The following CAMSAP2 variants were observed in gnomAD, a reference collection of about 807,000 sequenced individuals.
CAMSAP2 encodes the protein calmodulin-regulated spectrin-associated protein 2.
CAMSAP2 carries 26 observed loss-of-function variants against 146.1 expected under a neutral mutation model. That is an observed-to-expected ratio of 0.18 (90% CI 0.13 to 0.25). The LOEUF is 0.25. Ranked by LOEUF, CAMSAP2 falls within the 10% of genes least tolerant of loss-of-function variation. The pLI, the probability that CAMSAP2 is intolerant of heterozygous loss-of-function variation, is 1.00. For missense variants in CAMSAP2, 1,381 were observed against 1,759.3 expected (o/e 0.78, Z 3.85); for synonymous variants, 499 against 596.6 (o/e 0.84, Z 2.38).
intron 2 of CAMSAP2, among the ~76,000 whole-genome samples, chr1:200,783,079 C>G (rs1051055620): frequency 6.6e-6 from 1 of 152,048 alleles, no homozygotes; most frequent in Admixed American, 6.6e-5. Context: ...TTTCATTTCT[C>G]TTGGTGGGCC....
chr1:200,765,227 CTTTA>C (rs971202371), intron 2 of CAMSAP2, among the ~76,000 whole-genome samples: 1 of 152,062 alleles, frequency 6.6e-6, no homozygotes, highest in Non-Finnish European at 1.5e-5. Context: ...AGTCATACTT[CTTTA>C]TTTATTTATT....
intron 2 of CAMSAP2, among the ~76,000 whole-genome samples, chr1:200,768,399 A>G (rs920261210): frequency 2.0e-4 from 31 of 152,158 alleles, no homozygotes; most frequent in African/African-American, 6.8e-4. Context: ...AAGAAACGAG[A>G]TCACAGAGTT....
intron 1 of CAMSAP2, among the ~76,000 whole-genome samples, chr1:200,740,921 C>T (rs1208892145): frequency 6.6e-6 from 1 of 152,142 alleles, no homozygotes; most frequent in Non-Finnish European, 1.5e-5. Flanking sequence ...GATTTCTGTT[C>T]CCTAGTTAAT....
intron 1 of CAMSAP2, among the ~76,000 whole-genome samples, chr1:200,740,297 C>T (rs12133302): frequency 0.025 from 3,711 of 150,588 alleles, 65 homozygotes; most frequent in Non-Finnish European, 0.035. Context: ...GCGTACATTT[C>T]TGCCTCAGTC....
At chr1:200,855,025 GCTGA>G (rs1667713083) in intron 14 of CAMSAP2, 136 bp downstream of exon 14, 3 of 601,940 alleles carry the variant, frequency 5.0e-6, no homozygotes, top group Middle Eastern at 3.0e-4. Context: ...ACTAAGTTTT[GCTGA>G]CTTAGGACTG....
intron 3 of CAMSAP2, among the ~76,000 whole-genome samples, chr1:200,814,474 A>G (rs1666422717): frequency 1.3e-5 from 2 of 151,594 alleles, no homozygotes; most frequent in Non-Finnish European, 2.9e-5. Context: ...GCCGGGCATG[A>G]TGGCGGGCGC....
chr1:200,856,854 C>T lies in CAMSAP2; in HGVS notation c.4013-452C>T, dbSNP rs111303785. Among the ~76,000 whole-genome samples, 407 of 152,308 alleles carry T rather than the reference C, an allele frequency of 2.7e-3. 6 individuals carry two copies. The highest frequency in any genetic ancestry group is 4.6e-3 in the Non-Finnish European group (312 of 68,020). On this transcript the variant is annotated intron_variant, in intron 15 of 16. Coordinates refer to ENST00000358823, the MANE Select transcript of CAMSAP2 (RefSeq NM_203459.4). ...ATACTACCTCCTACCGCCAGTCTGA[C>T]AGCCTTTAAGGCCTGGGATTTGACA... is the stretch of plus-strand genomic sequence containing the variant.
chr1:200,791,922 C>T (rs904287792), intron 2 of CAMSAP2, among the ~76,000 whole-genome samples: 5 of 151,834 alleles, frequency 3.3e-5, no homozygotes, highest in East Asian at 1.9e-4. Flanking sequence ...GCCAAGAACA[C>T]GCCACTGCAC....
intron 2 of CAMSAP2, among the ~76,000 whole-genome samples, chr1:200,782,099 CCATA>C (rs1291473425): frequency 6.6e-6 from 1 of 152,068 alleles, no homozygotes; most frequent in African/African-American, 2.4e-5. Flanking sequence ...AATCTGATGG[CCATA>C]CAGTGACTGT....
chr1:200,841,328 C>A (rs1379216096), intron 6 of CAMSAP2, among the ~76,000 whole-genome samples: 1 of 152,164 alleles, frequency 6.6e-6, no homozygotes, highest in Non-Finnish European at 1.5e-5. Flanking sequence ...CTCACTGCAA[C>A]CTCTGTGTCT....
At chr1:200,793,130 G>A (rs113806772) in intron 2 of CAMSAP2, among the ~76,000 whole-genome samples, 1,483 of 133,556 alleles carry the variant, frequency 0.011, 31 homozygotes, top group African/African-American at 0.041. Context: ...CTCTGTAGTG[G>A]ACAGACCCCA....
chr1:200,816,471 G>A (rs1346449064), intron 4 of CAMSAP2, among the ~76,000 whole-genome samples: 32 of 148,192 alleles, frequency 2.2e-4, no homozygotes, highest in Non-Finnish European at 4.2e-4. Context: ...GCCGGTGCTT[G>A]TAGTCCCAGC....
chr1:200,806,500 G>A (rs1666173147), intron 2 of CAMSAP2, among the ~76,000 whole-genome samples: 2 of 152,160 alleles, frequency 1.3e-5, no homozygotes, highest in Admixed American at 1.3e-4. Context: ...CTAGAGAGTA[G>A]ATTAATGGTT....
chr1:200,830,147 C>T (rs917494840), intron 4 of CAMSAP2, among the ~76,000 whole-genome samples: 3 of 152,206 alleles, frequency 2.0e-5, no homozygotes, highest in Admixed American at 2.0e-4. Context: ...TGCGGATGAA[C>T]CTTCTGAGTG....
At chr1:200,756,475 GAAAA>G (rs1007421467) in intron 1 of CAMSAP2, among the ~76,000 whole-genome samples, 19 of 151,168 alleles carry the variant, frequency 1.3e-4, no homozygotes, top group South Asian at 2.1e-4. Flanking sequence ...AAAAAAAAAA[GAAAA>G]AAAAGTAAGT....
At chr1:200,742,953 A>G (rs1664220946) in intron 1 of CAMSAP2, among the ~76,000 whole-genome samples, 2 of 152,310 alleles carry the variant, frequency 1.3e-5, no homozygotes, top group South Asian at 2.1e-4. Context: ...CAGTAGTATT[A>G]CAAAAGTATT....
chr1:200,850,725 A>G (rs1438563993), intron 11 of CAMSAP2, among the ~76,000 whole-genome samples: 1 of 152,166 alleles, frequency 6.6e-6, no homozygotes, highest in Non-Finnish European at 1.5e-5. Context: ...CCATTTATTT[A>G]CACATCTTCA....
At chr1:200,821,557 C>T (rs1264984960) in intron 4 of CAMSAP2, among the ~76,000 whole-genome samples, 1 of 152,084 alleles carries the variant, frequency 6.6e-6, no homozygotes, top group African/African-American at 2.4e-5. Flanking sequence ...GATGGGGTTT[C>T]GCCATGTTGG....
intron 1 of CAMSAP2, among the ~76,000 whole-genome samples, chr1:200,753,972 C>G (rs1244512448): frequency 6.6e-6 from 1 of 152,186 alleles, no homozygotes. Context: ...CAAAGATATT[C>G]AGACAGATGA....
Sources: gnomAD v4.1 joint callset for allele counts (sites outside exome capture counted in the v4.1 genomes callset) on GRCh38, gnomAD v4.1.1 for gene constraint, MANE v1.5 for transcripts, NCBI Gene and HGNC (gene_info 2026-07-23, HGNC 2026-07-21) for gene names.